Variants in MYO1E observed in about 807,000 individuals in gnomAD.
MYO1E encodes the protein unconventional myosin-Ie.
In MYO1E, 68 loss-of-function variants were observed where a neutral mutation model predicts 151.1. The ratio of observed to expected loss-of-function variants is 0.45; its 90% CI spans 0.37 to 0.55. The LOEUF is 0.55. Ranked by LOEUF, MYO1E falls within the 20% of genes least tolerant of loss-of-function variation. MYO1E has a pLI of 0.00. For missense variants in MYO1E, 1,363 were observed against 1,389.3 expected (o/e 0.98, Z 0.30); for synonymous variants, 601 against 501.7 (o/e 1.20, Z -2.64).
At chr15:59,272,238 AAG>A in intron 2 of MYO1E, 66 bp downstream of exon 2, 1 of 1,582,346 alleles carries the variant, frequency 6.3e-7, no homozygotes, top group Non-Finnish European at 8.7e-7. Flanking sequence ...ACCCAGCATA[AAG>A]CCACAATTTA....
chr15:59,204,593 A>G, intron 15 of MYO1E, among the ~76,000 whole-genome samples: 1 of 152,180 alleles, frequency 6.6e-6, no homozygotes. Flanking sequence ...TTTTCAGGGA[A>G]AAGGGGAGGA....
At chr15:59,355,195 C>T (rs1261622810) in intron 1 of MYO1E, among the ~76,000 whole-genome samples, 1 of 152,140 alleles carries the variant, frequency 6.6e-6, no homozygotes, top group Non-Finnish European at 1.5e-5. Flanking sequence ...ATGACAGTGT[C>T]CCTCTCCGTC....
In MYO1E at chr15:59,256,277, T is replaced by G. The variant is rs781099219; in HGVS notation, c.332+7A>C. 3.2e-6 allele frequency: 5 copies of G among 1,583,590 alleles called. No homozygotes were observed. The South Asian group carries it at 5.5e-5, about 18-fold the overall frequency. On this transcript the variant is annotated splice_region_variant and intron_variant, in intron 4 of 27. Coordinates refer to ENST00000288235, the MANE Select transcript of MYO1E (RefSeq NM_004998.4). ...TCCACGCCCACTGATAAGGATCTTC[T>G]TCATACCTGATAATGACGCACTGGT...
intron 21 of MYO1E, among the ~76,000 whole-genome samples, chr15:59,172,869 C>T (rs1323227509): frequency 2.0e-5 from 3 of 152,388 alleles, no homozygotes; most frequent in African/African-American, 7.2e-5. Flanking sequence ...CCCCTGTGTG[C>T]ATCCAGGGCT....
chr15:59,320,060 T>G (rs781343736), intron 1 of MYO1E, among the ~76,000 whole-genome samples: 4 of 152,162 alleles, frequency 2.6e-5, no homozygotes, highest in Non-Finnish European at 5.9e-5. Context: ...AAATCAAGAA[T>G]GCAATCCCAT....
intron 23 of MYO1E, 109 bp downstream of exon 23, chr15:59,163,048 C>T (rs1255856700): frequency 2.3e-6 from 3 of 1,299,438 alleles, no homozygotes; most frequent in African/African-American, 2.9e-5. Context: ...CAGCCAGACC[C>T]CACTCTTCTC....
chr15:59,369,245 T>C (rs1180075544), intron 1 of MYO1E, among the ~76,000 whole-genome samples: 1 of 152,260 alleles, frequency 6.6e-6, no homozygotes, highest in Non-Finnish European at 1.5e-5. Flanking sequence ...CTGGGTATTC[T>C]TATGTGTCAT....
intron 1 of MYO1E, among the ~76,000 whole-genome samples, chr15:59,279,325 A>G (rs1368366443): frequency 6.6e-6 from 1 of 152,190 alleles, no homozygotes; most frequent in Non-Finnish European, 1.5e-5. Flanking sequence ...GTGTTCCACC[A>G]CTAGAGCAAA....
At chr15:59,213,122 C>T (rs1162435533) in intron 12 of MYO1E, among the ~76,000 whole-genome samples, 1 of 142,248 alleles carries the variant, frequency 7.0e-6, no homozygotes, top group Non-Finnish European at 1.5e-5. Context: ...ATGGAAACTG[C>T]ACTGAACTAT....
chr15:59,180,607 C>T (rs1380210775), intron 18 of MYO1E, among the ~76,000 whole-genome samples: 1 of 151,606 alleles, frequency 6.6e-6, no homozygotes, highest in Non-Finnish European at 1.5e-5. Flanking sequence ...CTGACAAGGC[C>T]TCCAGTGTTG....
At chr15:59,236,364 ATATATACACACACACACACAC>A (rs2080064284) in intron 5 of MYO1E, among the ~76,000 whole-genome samples, 200 bp downstream of exon 5, 2 of 48,544 alleles carry the variant, frequency 4.1e-5, no homozygotes, top group Non-Finnish European at 8.1e-5. Context: ...AAAAAAAAAA[ATATATACACACACACACACAC>A]ACACACACAC....
At chr15:59,264,349 C>T (rs1439513712) in intron 2 of MYO1E, among the ~76,000 whole-genome samples, 11 of 152,134 alleles carry the variant, frequency 7.2e-5, no homozygotes, top group African/African-American at 2.2e-4. Flanking sequence ...CTGGATCCCA[C>T]GCCCATACTC....
intron 6 of MYO1E, among the ~76,000 whole-genome samples, 189 bp from the exon 7 acceptor site, chr15:59,227,779 CG>C (rs1239404319): frequency 6.6e-6 from 1 of 152,204 alleles, no homozygotes; most frequent in African/African-American, 2.4e-5. Flanking sequence ...TCCAGCCACA[CG>C]ATTCTGTTAG....
intron 18 of MYO1E, among the ~76,000 whole-genome samples, chr15:59,185,275 A>AT (rs563684349): frequency 1.7e-4 from 25 of 149,958 alleles, no homozygotes; most frequent in East Asian, 3.9e-4. Flanking sequence ...GCTGTGTGGA[A>AT]TTTTTTTTTT....
At chr15:59,364,113 C>T (rs2080900205) in intron 1 of MYO1E, among the ~76,000 whole-genome samples, 1 of 152,184 alleles carries the variant, frequency 6.6e-6, no homozygotes, top group African/African-American at 2.4e-5. Flanking sequence ...CCTCCTTTGC[C>T]ATGGCAATGT....
chr15:59,372,139 G>T (rs1442411536), intron 1 of MYO1E, among the ~76,000 whole-genome samples: 2 of 151,324 alleles, frequency 1.3e-5, no homozygotes, highest in Non-Finnish European at 3.0e-5. Context: ...CACCTCCCCT[G>T]CCGGCTGCGC....
intron 22 of MYO1E, among the ~76,000 whole-genome samples, chr15:59,166,688 G>A (rs534594741): frequency 6.6e-6 from 1 of 152,120 alleles, no homozygotes; most frequent in Non-Finnish European, 1.5e-5. Context: ...GAATCAAGAA[G>A]AAAATAAACC....
At chr15:59,142,374 C>T (rs770744619) in intron 26 of MYO1E, among the ~76,000 whole-genome samples, 73 of 152,268 alleles carry the variant, frequency 4.8e-4, no homozygotes, top group Admixed American at 1.3e-3. Context: ...GGACTCCCCT[C>T]GCCAGGGTCG....
intron 17 of MYO1E, among the ~76,000 whole-genome samples, chr15:59,190,129 G>C (rs1381483977): frequency 2.0e-5 from 3 of 152,198 alleles, no homozygotes; most frequent in African/African-American, 7.2e-5. Context: ...ATCCACTCTG[G>C]GAAGATAAAT....
Sources: allele counts gnomAD v4.1 joint callset (sites outside exome capture counted in the v4.1 genomes callset), GRCh38; gene constraint gnomAD v4.1.1; transcripts MANE v1.5; gene names NCBI Gene and HGNC (gene_info 2026-07-23, HGNC 2026-07-21).